KRT33A: variants seen among roughly 807,000 people sequenced by gnomAD.
The protein encoded by KRT33A is keratin 33A.
A neutral mutation model predicts 41.1 loss-of-function variants in KRT33A; 44 were observed. That is an observed-to-expected ratio of 1.07 (90% CI 0.84 to 1.38). The LOEUF (loss-of-function observed/expected upper bound fraction) is 1.38. Ranked by LOEUF, KRT33A falls within the 40% of genes most tolerant of loss-of-function variation. KRT33A has a pLI of 0.00. For missense variants in KRT33A, 536 were observed against 518.5 expected (o/e 1.03, Z -0.33); for synonymous variants, 229 against 227.8 (o/e 1.01, Z -0.05).
chr17:41,348,562 G>T lies in KRT33A; in HGVS notation c.509C>A (p.Thr170Asn). 6.2e-7 allele frequency: 1 copy of T among 1,613,940 alleles called. No individual in the cohort carries two copies. The highest frequency in any genetic ancestry group is 8.5e-7 in the Non-Finnish European group (1 of 1,179,990). Residue 170 changes from threonine to asparagine, a missense_variant, in exon 3 of 7, where the codon ACC (threonine) becomes AAC (asparagine). Coordinates refer to ENST00000007735, the MANE Select transcript of KRT33A (RefSeq NM_004138.4). ...NGLRRILDELTLCRSDLEAQV... is the reference protein window; with the variant it reads ...NGLRRILDELNLCRSDLEAQV... ...GGCCTCCAGGTCAGACCTGCACAGG[G>T]TCAGCTCATCCAGGATCCTGCGCAG...
chr17:41,348,688 C>T lies in KRT33A; in HGVS notation c.432-49G>A, dbSNP rs369415678. On this transcript the variant is annotated intron_variant, in intron 2 of 6. Transcript: ENST00000007735. ...ACAGGCTGGGCAGGAATAGGCCTGG[C>T]CTTGACTCTGCTTTGGTTTGGTTAG... 1.1e-5 allele frequency: 17 copies of T among 1,598,464 alleles called. No individual in the cohort carries two copies. In the South Asian group the frequency reaches 1.9e-4, roughly 18 times the overall value.
rs367601440 is a variant in KRT33A, at chr17:41,346,218, G to T, written c.1116C>A (p.Cys372Ter). ...SEDCKLPSNP[C>*]ATTNACDKST... ...ACTTGTCACATGCATTGGTTGTGGCGCAGGGGTTGGAGGGGAGCCTGTGGG... is the reference window on the plus strand; with the variant it reads ...ACTTGTCACATGCATTGGTTGTGGCTCAGGGGTTGGAGGGGAGCCTGTGGG... The change falls in exon 7 of 7, where the codon TGC becomes TGA. Residue 372 changes from cysteine (C) to a stop codon, truncating the protein, a stop_gained. Coordinates refer to ENST00000007735, the MANE Select transcript of KRT33A (RefSeq NM_004138.4). LOFTEE classifies it low-confidence loss of function (END_TRUNC). 6 of 1,614,102 alleles carry T rather than the reference G, an allele frequency of 3.7e-6. No homozygotes were observed. The South Asian group carries it at 6.6e-5, about 18-fold the overall frequency.
At chr17:41,347,558 T>C (rs916707964) in intron 3 of KRT33A, among the ~76,000 whole-genome samples, 1 of 152,264 alleles carries the variant, frequency 6.6e-6, no homozygotes, top group Non-Finnish European at 1.5e-5. Flanking sequence ...TAGTATACCA[T>C]ATAGCCTCAC....
At chr17:41,347,406 C>T (rs2017442343) in intron 3 of KRT33A, among the ~76,000 whole-genome samples, 184 bp from the exon 4 acceptor site, 1 of 152,208 alleles carries the variant, frequency 6.6e-6, no homozygotes, top group Non-Finnish European at 1.5e-5. Flanking sequence ...AAACTACTTT[C>T]AAGCCCATGA....
rs778007811 is a variant in KRT33A, at chr17:41,350,778, G to C, written c.-11C>G. ...ACAACTGTAAGACATGGTGCAGGGA[G>C]GGAGTGTCCAGCTGAAGACAGAGTC... On this transcript the variant is annotated 5_prime_UTR_variant, in exon 1 of 7. Coordinates refer to ENST00000007735, the MANE Select transcript of KRT33A (RefSeq NM_004138.4). 3 of 1,606,674 alleles carry C rather than the reference G, an allele frequency of 1.9e-6. No individual in the cohort carries two copies. The highest frequency in any genetic ancestry group is 2.5e-6 in the Non-Finnish European group (3 of 1,176,922).
At position 41,350,575 on chromosome 17, in the gene KRT33A, C is replaced by G. The variant is rs768092751; in HGVS notation, c.193G>C (p.Asp65His). 1.9e-6 allele frequency: 3 copies of G among 1,613,674 alleles called. No homozygotes were observed. Among genetic ancestry groups the G allele is most frequent in the African/African-American group, 2.7e-5 (2 of 74,666 alleles). The change falls in exon 1 of 7, where the codon GAC becomes CAC. Residue 65 changes from aspartate (D) to histidine (H), a missense_variant. Physicochemically the swap from Asp to His is moderately conservative, Grantham distance 81. Transcript: ENST00000007735. ...TTCTCCAGGTAGCTGGCCAGGCGGTCGTTCAGGAACTGCATGGTCTCCTTC... is the reference window on the plus strand; with the variant it reads ...TTCTCCAGGTAGCTGGCCAGGCGGTGGTTCAGGAACTGCATGGTCTCCTTC... ...SEKETMQFLN[D>H]RLASYLEKVR...
chr17:41,346,830 T>G lies in KRT33A; in HGVS notation c.876+14A>C. On this transcript the variant is annotated intron_variant, in intron 5 of 6. Transcript: ENST00000007735. ...AGTTCCCATCGCTCACCAGCAGGTC[T>G]GAACAATACACACCAGGTTGTGCTG... 9.9e-6 allele frequency: 16 copies of G among 1,612,450 alleles called. No individual in the cohort carries two copies. Among genetic ancestry groups the G allele is most frequent in the Non-Finnish European group, 1.3e-5 (15 of 1,179,888 alleles).
At chr17:41,346,735 A>C in intron 5 of KRT33A, 67 bp from the exon 6 acceptor site, 2 of 1,609,716 alleles carry the variant, frequency 1.2e-6, no homozygotes, top group Non-Finnish European at 1.7e-6. Context: ...GGGGTTCCAA[A>C]GAACTCACAA....
intron 3 of KRT33A, among the ~76,000 whole-genome samples, chr17:41,347,427 C>T (rs989438530): frequency 6.6e-6 from 1 of 152,230 alleles, no homozygotes; most frequent in Non-Finnish European, 1.5e-5. Flanking sequence ...CTTCCCTCTG[C>T]TCTTTGTATT....
chr17:41,349,454 T>C (rs1403740268), intron 1 of KRT33A, 26 bp from the exon 2 acceptor site: 1 of 1,612,988 alleles, frequency 6.2e-7, no homozygotes, highest in Admixed American at 1.7e-5. Flanking sequence ...CATTCAAGAA[T>C]GAGCAAGGAC....
rs535401755 is a variant in KRT33A, at chr17:41,347,880, G to C, written c.588+603C>G. Among the ~76,000 whole-genome samples, 12 of 152,304 alleles carry C rather than the reference G, an allele frequency of 7.9e-5. No homozygotes were observed. The South Asian group carries it at 2.5e-3, about 32-fold the overall frequency. On this transcript the variant is annotated intron_variant, in intron 3 of 6. Transcript: ENST00000007735. The stretch of plus-strand genomic sequence containing the variant: ...CATCTTAACATGAGAACTGCCTCCG[G>C]AGTTAAAGCACTTAGCACAATGTTT...
Position 41,346,834 on chromosome 17 carries a change from C to T in KRT33A, c.876+10G>A, listed in dbSNP as rs1021734927. 2 of 1,612,488 alleles carry T rather than the reference C, an allele frequency of 1.2e-6. No individual in the cohort carries two copies. Among genetic ancestry groups the T allele is most frequent in the African/African-American group, 1.3e-5 (1 of 75,006 alleles). ...CCCATCGCTCACCAGCAGGTCTGAA[C>T]AATACACACCAGGTTGTGCTGGGCC... On this transcript the variant is annotated intron_variant, in intron 5 of 6. Transcript: ENST00000007735.
chr17:41,346,694 C>T, intron 5 of KRT33A, 26 bp from the exon 6 acceptor site: 1 of 1,613,780 alleles, frequency 6.2e-7, no homozygotes, highest in Non-Finnish European at 8.5e-7. Context: ...TTGAGAGTGT[C>T]AGAGAGCTGC....
Position 41,349,440 on chromosome 17 carries a change from A to G in KRT33A, c.349-12T>C, listed in dbSNP as rs1195377427. The G allele has an allele frequency of 1.2e-6, 2 of 1,613,808 alleles. No homozygotes were observed. The highest frequency in any genetic ancestry group is 1.7e-6 in the Non-Finnish European group (2 of 1,179,880). ...TTGCTGCACAGGATCTAGAAGGCCC[A>G]AAACATTCAAGAATGAGCAAGGACT... is the stretch of plus-strand genomic sequence containing the variant. On this transcript the variant is annotated splice_polypyrimidine_tract_variant and intron_variant, in intron 1 of 6. Transcript: ENST00000007735.
chr17:41,349,782 A>G (rs1323733024), intron 1 of KRT33A, among the ~76,000 whole-genome samples: 3 of 151,762 alleles, frequency 2.0e-5, no homozygotes, highest in Non-Finnish European at 4.4e-5. Context: ...ACTTTCAATC[A>G]AGCAGAAAAG....
intron 2 of KRT33A, among the ~76,000 whole-genome samples, chr17:41,348,843 C>T (rs956662350): frequency 6.6e-6 from 1 of 152,048 alleles, no homozygotes; most frequent in Non-Finnish European, 1.5e-5. Flanking sequence ...CTTCTATATT[C>T]CTAGCTATTC....
rs372537758 is a variant in KRT33A, at chr17:41,350,588, C to T, written c.180G>A (p.Met60Ile). 3.1e-6 allele frequency: 5 copies of T among 1,613,508 alleles called. No homozygotes were observed. In the African/African-American group the frequency reaches 5.4e-5, roughly 17 times the overall value. The change falls in exon 1 of 7, where the codon ATG becomes ATA. Residue 60 changes from methionine (M) to isoleucine (I), a missense_variant. Physicochemically the swap from Met to Ile is conservative, Grantham distance 10. Transcript: ENST00000007735. Reference sequence around the variant, plus strand: ...TGGCCAGGCGGTCGTTCAGGAACTGCATGGTCTCCTTCTCACTGCCATTGA... The same window carrying T: ...TGGCCAGGCGGTCGTTCAGGAACTGTATGGTCTCCTTCTCACTGCCATTGA... ...GSFNGSEKET[M>I]QFLNDRLASY...
intron 2 of KRT33A, among the ~76,000 whole-genome samples, chr17:41,349,005 AG>A (rs1206130084): frequency 6.6e-6 from 1 of 152,208 alleles, no homozygotes; most frequent in Admixed American, 6.5e-5. Context: ...TTAGGATAAA[AG>A]CTGACAAACT....
chr17:41,346,236 C>A lies in KRT33A; in HGVS notation c.1098G>T (p.Lys366Asn), dbSNP rs776515447. ...TTGTGGCGCAGGGGTTGGAGGGGAG[C>A]CTGTGGGCAGAAAATCATTGGAGCA... The part of the protein sequence containing the change: ...YRSLLESEDC[K>N]LPSNPCATTN... Residue 366 changes from lysine to asparagine, a missense_variant and splice_region_variant, in exon 7 of 7, where the codon AAG (lysine) becomes AAT (asparagine). Transcript: ENST00000007735. 3.1e-6 allele frequency: 5 copies of A among 1,613,402 alleles called. No individual in the cohort carries two copies. In the Admixed American group the frequency reaches 6.7e-5, roughly 22 times the overall value.
Sources: gnomAD v4.1 joint callset for allele counts (sites outside exome capture counted in the v4.1 genomes callset) on GRCh38, gnomAD v4.1.1 for gene constraint, MANE v1.5 for transcripts, NCBI Gene and HGNC (gene_info 2026-07-23, HGNC 2026-07-21) for gene names.